ZCWPW2: variants seen among roughly 807,000 people sequenced by gnomAD.
ZCWPW2 encodes zinc finger CW-type PWWP domain protein 2.
In ZCWPW2, 45 loss-of-function variants were observed where a neutral mutation model predicts 46.6. That is an observed-to-expected ratio of 0.96 (90% CI 0.76 to 1.24). ZCWPW2 has a LOEUF of 1.24. Among genes scored for constraint, ZCWPW2 ranks in the 50% most tolerant of loss-of-function variants. The pLI is 0.00. For missense variants in ZCWPW2, 429 were observed against 403.9 expected (o/e 1.06, Z -0.53); for synonymous variants, 152 against 137.1 (o/e 1.11, Z -0.76).
rs1404825540 is a variant in ZCWPW2 at position 28,522,131 on chromosome 3, G to A, written c.909+1015G>A. 2.0e-5 allele frequency among the ~76,000 whole-genome samples: 3 copies of A among 152,096 alleles called. No individual in the cohort carries two copies. In the East Asian group the frequency reaches 5.8e-4, roughly 29 times the overall value. On this transcript the variant is annotated intron_variant, in intron 9 of 9. Coordinates refer to ENST00000383768, the MANE Select transcript of ZCWPW2 (RefSeq NM_001040432.4). ...GCCTGTCATGGGGTGGAGGGAGAGG[G>A]GAGGGATAGCATTAGGAGACATACC... is the stretch of plus-strand genomic sequence containing the variant.
intron 6 of ZCWPW2, among the ~76,000 whole-genome samples, chr3:28,502,412 AT>A (rs1310811537): frequency 1.3e-5 from 2 of 152,110 alleles, no homozygotes; most frequent in African/African-American, 2.4e-5. Flanking sequence ...GTTGAGACTT[AT>A]ATATTTGCTT....
rs147374845 is a variant in ZCWPW2, at chr3:28,467,225, G to T, written c.493-11589G>T. 5.8e-4 allele frequency among the ~76,000 whole-genome samples: 88 copies of T among 152,080 alleles called. 2 individuals are homozygous for T. The highest frequency in any genetic ancestry group is 2.0e-3 in the African/African-American group (82 of 41,512). On this transcript the variant is annotated intron_variant, in intron 4 of 9. Transcript: ENST00000383768. The stretch of plus-strand genomic sequence containing the variant: ...CCTGCGGAAAAAAATGTCCAAACTA[G>T]TTCTACAAGGAAGAAAGACTTACAT...
At chr3:28,449,399 TATG>T (rs766039973) in intron 4 of ZCWPW2, among the ~76,000 whole-genome samples, 8 of 152,188 alleles carry the variant, frequency 5.3e-5, no homozygotes, top group African/African-American at 1.2e-4. Flanking sequence ...TTGAGGATAT[TATG>T]ATAAGTGAAA....
At chr3:28,439,055 G>GTGTGTGTATATA (rs1209943677) in intron 4 of ZCWPW2, among the ~76,000 whole-genome samples, 19 of 146,498 alleles carry the variant, frequency 1.3e-4, no homozygotes, top group Admixed American at 3.4e-4. Context: ...TATGGTGTGT[G>GTGTGTGTATATA]TGTGTATATA....
intron 4 of ZCWPW2, among the ~76,000 whole-genome samples, chr3:28,459,207 A>G (rs1698536071): frequency 6.6e-6 from 1 of 151,978 alleles, no homozygotes; most frequent in Admixed American, 6.6e-5. Context: ...TGTCTCCACT[A>G]AAAATACAAA....
chr3:28,420,774 T>C (rs530946205), intron 3 of ZCWPW2, among the ~76,000 whole-genome samples: 1 of 152,224 alleles, frequency 6.6e-6, no homozygotes, highest in South Asian at 2.1e-4. Context: ...TTGAGTACTT[T>C]TATATGAAAT....
At chr3:28,450,684 A>T (rs1329623261) in intron 4 of ZCWPW2, among the ~76,000 whole-genome samples, 1 of 152,088 alleles carries the variant, frequency 6.6e-6, no homozygotes, top group African/African-American at 2.4e-5. Flanking sequence ...TTGGCCATAT[A>T]TCTTAGTGGT....
At position 28,429,303 on chromosome 3, in the gene ZCWPW2, C is replaced by T. The variant is rs146629774; in HGVS notation, c.333-5807C>T. Among the ~76,000 whole-genome samples the T allele has an allele frequency of 2.5e-3, 387 of 152,202 alleles. 1 individual carries two copies. The highest frequency in any genetic ancestry group is 8.5e-3 in the African/African-American group (351 of 41,538). On this transcript the variant is annotated intron_variant, in intron 3 of 9. Coordinates refer to ENST00000383768, the MANE Select transcript of ZCWPW2 (RefSeq NM_001040432.4). Reference sequence around the variant, plus strand: ...AAAGACTGGCAGCATTTTACCCTTGCCCTAGAGATTCTGTGGAACTTTGAA... The same window carrying T: ...AAAGACTGGCAGCATTTTACCCTTGTCCTAGAGATTCTGTGGAACTTTGAA...
chr3:28,424,377 C>T (rs1393334934), intron 3 of ZCWPW2, among the ~76,000 whole-genome samples: 1 of 152,030 alleles, frequency 6.6e-6, no homozygotes, highest in African/African-American at 2.4e-5. Flanking sequence ...CCCTCAGTGC[C>T]TCAGAATGTG....
At chr3:28,367,344 G>A (rs1296434864) in intron 1 of ZCWPW2, among the ~76,000 whole-genome samples, 1 of 152,126 alleles carries the variant, frequency 6.6e-6, no homozygotes, top group Non-Finnish European at 1.5e-5. Flanking sequence ...GGTATGTTGT[G>A]TCTTTGTTCT....
intron 2 of ZCWPW2, among the ~76,000 whole-genome samples, chr3:28,409,046 TAG>T (rs1394379461): frequency 1.3e-5 from 2 of 152,026 alleles, no homozygotes; most frequent in African/African-American, 2.4e-5. Flanking sequence ...AGATAAAAAG[TAG>T]AGTCTTCCAT....
At chr3:28,417,628 C>T (rs1367824216) in intron 3 of ZCWPW2, among the ~76,000 whole-genome samples, 8 of 141,436 alleles carry the variant, frequency 5.7e-5, no homozygotes, top group African/African-American at 2.1e-4. Context: ...AAAATACTGG[C>T]AAACCGAATC....
intron 3 of ZCWPW2, among the ~76,000 whole-genome samples, chr3:28,426,088 A>G (rs1373511511): frequency 6.6e-6 from 1 of 152,022 alleles, no homozygotes; most frequent in South Asian, 2.1e-4. Context: ...CTGCCTGGGC[A>G]ACAAAAGCAA....
chr3:28,489,389 A>G (rs1211786709), intron 5 of ZCWPW2, among the ~76,000 whole-genome samples: 1 of 152,080 alleles, frequency 6.6e-6, no homozygotes, highest in Non-Finnish European at 1.5e-5. Context: ...ATAAGGTTCT[A>G]CTGGGCCCTT....
chr3:28,373,133 A>G (rs545125097), intron 1 of ZCWPW2, among the ~76,000 whole-genome samples: 1 of 152,292 alleles, frequency 6.6e-6, no homozygotes, highest in East Asian at 1.9e-4. Context: ...GAGTGAAGCT[A>G]TCTCTTTGAT....
chr3:28,442,136 C>T (rs1697786004), intron 4 of ZCWPW2, among the ~76,000 whole-genome samples: 1 of 152,196 alleles, frequency 6.6e-6, no homozygotes, highest in Non-Finnish European at 1.5e-5. Context: ...CCTTTTGGAT[C>T]ACTGACTAAA....
chr3:28,394,662 A>G (rs1362887284), intron 2 of ZCWPW2, among the ~76,000 whole-genome samples: 1 of 152,152 alleles, frequency 6.6e-6, no homozygotes, highest in Non-Finnish European at 1.5e-5. Context: ...TGGGGACAAG[A>G]ATAGTGTCTT....
intron 4 of ZCWPW2, among the ~76,000 whole-genome samples, chr3:28,468,405 G>T (rs922700412): frequency 3.9e-5 from 6 of 152,060 alleles, no homozygotes; most frequent in African/African-American, 1.4e-4. Flanking sequence ...TATTTAAAGG[G>T]ATAATAACAG....
rs1487021869 is a variant in ZCWPW2 at position 28,453,001 on chromosome 3, T to C, written c.492+17732T>C. Among the ~76,000 whole-genome samples, 5 of 152,192 alleles carry C rather than the reference T, an allele frequency of 3.3e-5. No individual in the cohort carries two copies. In the East Asian group the frequency reaches 9.6e-4, roughly 29 times the overall value. On this transcript the variant is annotated intron_variant, in intron 4 of 9. Transcript: ENST00000383768. ...CAGTACATGACTGAAATGAGACCAT[T>C]GCTGCAATGTTTTCATAGTTTAGCG...
Sources: gnomAD v4.1 joint callset for allele counts (sites outside exome capture counted in the v4.1 genomes callset) on GRCh38, gnomAD v4.1.1 for gene constraint, MANE v1.5 for transcripts, NCBI Gene and HGNC (gene_info 2026-07-23, HGNC 2026-07-21) for gene names.